Variants in ZNF44 observed in about 807,000 individuals in gnomAD.
ZNF44 encodes the protein zinc finger protein 44.
A neutral mutation model predicts 11.7 loss-of-function variants in ZNF44; 9 were observed. That is an observed-to-expected ratio of 0.77 (90% CI 0.46 to 1.35). ZNF44 has a LOEUF of 1.35. ZNF44 is among the 40% of genes most tolerant of loss of function. The pLI, the probability that ZNF44 is intolerant of heterozygous loss-of-function variation, is 0.00. For missense variants in ZNF44, 696 were observed against 743.1 expected, an observed-to-expected ratio of 0.94 and a Z score of 0.74; for synonymous variants, 224 against 242.7, an observed-to-expected ratio of 0.92 and a Z score of 0.72.
chr19:12,268,182 A>T (rs1599520549), downstream of ZNF44, among the ~76,000 whole-genome samples: 1 of 99,586 alleles, frequency 1.0e-5, no homozygotes, highest in South Asian at 2.9e-4. Flanking sequence ...ACACACACAC[A>T]AGCTCCTTCC....
At chr19:12,241,978 C>T (rs10417200), upstream of ZNF44, among the ~76,000 whole-genome samples, 1,665 of 152,114 alleles carry the variant, frequency 0.011, 27 homozygotes, top group African/African-American at 0.039. Flanking sequence ...ACTTACATGA[C>T]GCACCTAGAA....
At chr19:12,259,803 C>T (rs1917422539) in intron 5 of ZNF44, among the ~76,000 whole-genome samples, 1 of 152,202 alleles carries the variant, frequency 6.6e-6, no homozygotes, top group South Asian at 2.1e-4. Flanking sequence ...TTATCCCCCA[C>T]TAAACCCAAA....
intron 1 of ZNF44, among the ~76,000 whole-genome samples, chr19:12,278,489 C>T (rs1438540627): frequency 1.3e-5 from 2 of 152,044 alleles, no homozygotes; most frequent in African/African-American, 4.8e-5. Flanking sequence ...GAGCTGGTCT[C>T]GGCACCAAGG....
downstream of ZNF44, among the ~76,000 whole-genome samples, chr19:12,270,827 C>G (rs866971172): frequency 2.4e-4 from 36 of 152,142 alleles, no homozygotes; most frequent in African/African-American, 7.5e-4. Flanking sequence ...TATGGAAGAG[C>G]TTCACAATTG....
At chr19:12,277,938 G>A (rs550503331) in intron 1 of ZNF44, among the ~76,000 whole-genome samples, 1 of 152,288 alleles carries the variant, frequency 6.6e-6, no homozygotes, top group South Asian at 2.1e-4. Flanking sequence ...CAACCACCTA[G>A]GACAACACAA....
intron 1 of ZNF44, among the ~76,000 whole-genome samples, chr19:12,281,427 G>C (rs1268774903): frequency 1.3e-5 from 2 of 152,128 alleles, no homozygotes; most frequent in African/African-American, 4.8e-5. Flanking sequence ...ATGGAGTAAA[G>C]GCAGTGCTTT....
At chr19:12,260,195 C>A (rs1917445678) in intron 5 of ZNF44, 2 of 772,702 alleles carry the variant, frequency 2.6e-6, no homozygotes, top group Non-Finnish European at 4.7e-6. Flanking sequence ...ACTATGCCGA[C>A]CTACAGCACC....
chr19:12,272,528 C>T lies in ZNF44; in HGVS notation c.1727G>A (p.Arg576Gln), dbSNP rs772153907. Reference sequence around the variant, plus strand: ...TCCAGTGTGAGTTCTTTCATGTTCTCGACAGAAACTGGAACGACTGAAGGC... The same window carrying T: ...TCCAGTGTGAGTTCTTTCATGTTCTTGACAGAAACTGGAACGACTGAAGGC... ...GKAFSRSSFC[R>Q]EHERTHTGEK... Residue 576 changes from arginine to glutamine, a missense_variant, in exon 4 of 4, where the codon CGA becomes CAA. Physicochemically the swap from Arg to Gln is conservative, Grantham distance 43 (BLOSUM62 1). Transcript: ENST00000355684. The T allele has an allele frequency of 1.2e-5, 19 of 1,610,068 alleles. No individual in the cohort carries two copies. Among genetic ancestry groups the T allele is most frequent in the African/African-American group, 2.7e-5 (2 of 74,570 alleles).
chr19:12,279,922 T>A (rs1483306557), intron 1 of ZNF44, among the ~76,000 whole-genome samples: 4 of 91,068 alleles, frequency 4.4e-5, no homozygotes, highest in Non-Finnish European at 9.1e-5. Context: ...AAATTCAGAT[T>A]GTGTGTGTGT....
chr19:12,284,446 G>A, intron 1 of ZNF44: 1 of 638,230 alleles, frequency 1.6e-6, no homozygotes, highest in Non-Finnish European at 2.9e-6. Flanking sequence ...CGGGGCCGGG[G>A]CCGCGGAGCT....
At chr19:12,225,595 T>C (rs901920515), downstream of ZNF44, among the ~76,000 whole-genome samples, 2 of 152,204 alleles carry the variant, frequency 1.3e-5, no homozygotes, top group African/African-American at 4.8e-5. Context: ...TTAAGCGAAA[T>C]GCTATGGTAA....
downstream of ZNF44, among the ~76,000 whole-genome samples, chr19:12,267,872 T>G (rs576792504): frequency 1.1e-4 from 17 of 151,534 alleles, no homozygotes; most frequent in South Asian, 3.4e-3. Flanking sequence ...AGTCTTGCTC[T>G]GTCAACCAGG....
At chr19:12,284,665 G>A in intron 1 of ZNF44, 1 of 756,028 alleles carries the variant, frequency 1.3e-6, no homozygotes, top group Non-Finnish European at 2.3e-6. Context: ...GCCGGCCAGT[G>A]CACCAGGTTC....
intron 2 of ZNF44, among the ~76,000 whole-genome samples, chr19:12,234,371 C>T (rs1436836295): frequency 1.3e-5 from 2 of 152,142 alleles, no homozygotes; most frequent in Admixed American, 1.3e-4. Context: ...GCAAAGATCC[C>T]CTCAAGGGAT....
chr19:12,293,389 A>C, intron 1 of ZNF44: 1 of 1,534,942 alleles, frequency 6.5e-7, no homozygotes, highest in Non-Finnish European at 8.7e-7. Context: ...GAAAAGATAC[A>C]GGGTGGGCTG....
intron 3 of ZNF44, among the ~76,000 whole-genome samples, chr19:12,228,982 A>G (rs1916040572): frequency 6.6e-6 from 1 of 152,236 alleles, no homozygotes; most frequent in Non-Finnish European, 1.5e-5. Flanking sequence ...ATATGCTGGT[A>G]ACTCTTAAGA....
In ZNF44 at chr19:12,248,594, C is replaced by T. The variant is rs747707241; in HGVS notation, c.*271G>A. 3 of 1,295,342 alleles carry T rather than the reference C, an allele frequency of 2.3e-6. No homozygotes were observed. The Admixed American group carries it at 6.8e-5, about 29-fold the overall frequency. The allele number at this position is 1,295,342 out of a possible 1,614,324, so 80.2% of individuals were successfully genotyped here. On this transcript the variant is annotated 3_prime_UTR_variant and NMD_transcript_variant, in exon 8 of 8. Coordinates refer to the ZNF44 transcript ENST00000393337. ...TTCCTCCAGAAGGAGTTTTCTTGTT[C>T]AGACTGAGATTTGCAATCTGGCTGA...
At position 12,274,082 on chromosome 19, in the gene ZNF44, A is replaced by G. The variant is rs915511300; in HGVS notation, c.192-19T>C. ...ATCACACCTGTAAAAAATGAAAAGT[A>G]CATTACTAAAGGTTTATTATTGAAT... On this transcript the variant is annotated intron_variant, in intron 3 of 3. Transcript: ENST00000355684. 2 of 1,568,110 alleles carry G rather than the reference A, an allele frequency of 1.3e-6. No homozygotes were observed. The highest frequency in any genetic ancestry group is 1.9e-5 in the Admixed American group (1 of 54,046).
intron 6 of ZNF44, chr19:12,250,105 A>G: frequency 8.0e-7 from 1 of 1,251,438 alleles, no homozygotes; most frequent in Middle Eastern, 2.2e-4. Context: ...ATTAGATTCT[A>G]GGTCCATATG....
Sources: allele counts gnomAD v4.1 joint callset (sites outside exome capture counted in the v4.1 genomes callset), GRCh38; gene constraint gnomAD v4.1.1; transcripts MANE v1.5; gene names NCBI Gene and HGNC (gene_info 2026-07-23, HGNC 2026-07-21).